Variants in EPB41 observed in about 807,000 individuals in gnomAD.
The protein encoded by EPB41 is protein 4.1.
A neutral mutation model predicts 108.0 loss-of-function variants in EPB41; 65 were observed. The observed-to-expected ratio is 0.60, with a 90% confidence interval of 0.49 to 0.74. The LOEUF is 0.74. EPB41 is among the 30% of genes least tolerant of loss of function. The probability of loss-of-function intolerance (pLI) is 0.00; values close to 1 mark genes in which losing one functional copy is unlikely to be tolerated. For missense variants in EPB41, 875 were observed against 1,037.0 expected, an observed-to-expected ratio of 0.84 and a Z score of 2.15; for synonymous variants, 336 against 358.9, an observed-to-expected ratio of 0.94 and a Z score of 0.72.
chr1:28,980,689 C>G (rs2095717057), intron 1 of EPB41, among the ~76,000 whole-genome samples: 1 of 151,760 alleles, frequency 6.6e-6, no homozygotes, highest in South Asian at 2.1e-4. Context: ...TGCACTCTTG[C>G]CTGGGTGGAG....
chr1:28,897,622 G>A (rs1232094543), intron 1 of EPB41, among the ~76,000 whole-genome samples: 2 of 113,960 alleles, frequency 1.8e-5, no homozygotes, highest in African/African-American at 7.1e-5. Context: ...GGGGAGAGGA[G>A]GGGAGAGGAG....
At chr1:28,927,233 T>C (rs1438323385) in intron 1 of EPB41, among the ~76,000 whole-genome samples, 2 of 152,232 alleles carry the variant, frequency 1.3e-5, no homozygotes, top group African/African-American at 4.8e-5. Context: ...AGCAAGTGAT[T>C]TTGCAGTTTA....
Position 28,948,740 on chromosome 1 carries a change from G to A in EPB41, c.-8+33972G>A, listed in dbSNP as rs147256916. 7.2e-3 allele frequency among the ~76,000 whole-genome samples: 1,091 copies of A among 151,100 alleles called. 15 individuals carry two copies. Among genetic ancestry groups the A allele is most frequent in the African/African-American group, 0.023 (941 of 41,184 alleles). On this transcript the variant is annotated intron_variant, in intron 1 of 20. Coordinates refer to ENST00000343067, the MANE Select transcript of EPB41 (RefSeq NM_001376013.1). Reference sequence around the variant, plus strand: ...CCAAGGCGGGCAGATCACAAGGTCAGGAGTTCAAGACCAGCCTGGCCAATA... The same window carrying A: ...CCAAGGCGGGCAGATCACAAGGTCAAGAGTTCAAGACCAGCCTGGCCAATA...
chr1:29,094,065 T>C (rs1456131041), intron 16 of EPB41, among the ~76,000 whole-genome samples: 1 of 152,156 alleles, frequency 6.6e-6, no homozygotes, highest in Non-Finnish European at 1.5e-5. Context: ...TTCAATATTG[T>C]GTATATGGCT....
intron 1 of EPB41, among the ~76,000 whole-genome samples, chr1:28,943,023 T>C (rs1571083974): frequency 6.6e-6 from 1 of 152,316 alleles, no homozygotes; most frequent in Middle Eastern, 3.4e-3. Flanking sequence ...TTTGATTCCA[T>C]TGGGAAATCT....
At chr1:28,913,244 C>G (rs887215439), upstream of EPB41, among the ~76,000 whole-genome samples, 2 of 151,954 alleles carry the variant, frequency 1.3e-5, no homozygotes, top group African/African-American at 4.8e-5. Context: ...GTCAGGAGAT[C>G]GAGACTAACA....
chr1:29,037,058 G>T (rs1272556990), intron 10 of EPB41, among the ~76,000 whole-genome samples: 2 of 151,920 alleles, frequency 1.3e-5, no homozygotes, highest in Admixed American at 6.6e-5. Context: ...AAGCCCAATA[G>T]TACCCGATAA....
intron 1 of EPB41, among the ~76,000 whole-genome samples, chr1:28,964,392 A>C (rs2095307004): frequency 6.6e-6 from 1 of 152,066 alleles, no homozygotes; most frequent in Non-Finnish European, 1.5e-5. Flanking sequence ...CAGTGAGCTG[A>C]GATCATGCCA....
At position 28,887,463 on chromosome 1, in the gene EPB41, C is replaced by T. The variant is rs1283187611; in HGVS notation, c.-8+253C>T. 2.0e-6 allele frequency: 2 copies of T among 985,154 alleles called. No individual in the cohort carries two copies. Among genetic ancestry groups the T allele is most frequent in the African/African-American group, 3.5e-5 (2 of 57,212 alleles). 61.0% of individuals were successfully genotyped at this position (985,154 alleles called of 1,614,324 possible). On this transcript the variant is annotated intron_variant, in intron 1 of 16. Coordinates refer to the EPB41 transcript ENST00000347529. The surrounding 1 kb of genome is among the most constrained non-coding windows in gnomAD (Gnocchi z 4.9). ...GGAGAGGGGGTCCGGGAGCTCGGAT[C>T]CGGAGCTAGACACGTCCGGGTCCGG...
chr1:28,953,744 G>C (rs1250499319), intron 1 of EPB41, among the ~76,000 whole-genome samples: 1 of 152,210 alleles, frequency 6.6e-6, no homozygotes, highest in Non-Finnish European at 1.5e-5. Context: ...GTATTAGTTA[G>C]ATCTCATTTT....
chr1:29,075,215 A>G (rs1181638348), intron 16 of EPB41, among the ~76,000 whole-genome samples: 3 of 150,126 alleles, frequency 2.0e-5, no homozygotes, highest in Non-Finnish European at 4.4e-5. Context: ...GTGGTGGCTC[A>G]TGCCTGTAAT....
chr1:28,897,573 G>A (rs1162954388), intron 1 of EPB41, among the ~76,000 whole-genome samples: 1 of 139,024 alleles, frequency 7.2e-6, no homozygotes, highest in African/African-American at 2.7e-5. Context: ...AGGTAGGAAG[G>A]GAAGGGAAGC....
intron 5 of EPB41, among the ~76,000 whole-genome samples, chr1:29,013,834 GTTTTT>G (rs537368192): frequency 6.1e-5 from 8 of 131,846 alleles, no homozygotes; most frequent in Admixed American, 1.5e-4. Context: ...CAGCCCTTAA[GTTTTT>G]TTTTTTTTTT....
chr1:29,104,841 G>A (rs951033221), intron 17 of EPB41, among the ~76,000 whole-genome samples: 2 of 151,944 alleles, frequency 1.3e-5, no homozygotes, highest in African/African-American at 4.8e-5. Context: ...TTCCGCCTCG[G>A]CCTCCCAAAG....
In EPB41 at chr1:29,058,334, A is replaced by G. The variant is rs568197393; in HGVS notation, c.1846-255A>G. Among the ~76,000 whole-genome samples the G allele has an allele frequency of 1.4e-4, 22 of 152,332 alleles. No homozygotes were observed. The East Asian group carries it at 4.2e-3, about 29-fold the overall frequency. On this transcript the variant is annotated intron_variant, in intron 12 of 20. Coordinates refer to ENST00000343067, the MANE Select transcript of EPB41 (RefSeq NM_001376013.1). ...AATATATTTTCTTCATCAATAGAAT[A>G]CTTACCTTAATTTTCTTTTTTGATA...
Position 29,119,287 on chromosome 1 carries a change from CA to C in EPB41, c.*2476del, listed in dbSNP as rs1196676401. On this transcript the variant is annotated 3_prime_UTR_variant, in exon 21 of 21. Coordinates refer to ENST00000343067, the MANE Select transcript of EPB41 (RefSeq NM_001376013.1). ...ATTGTTTGGATTTTTTTTCTTTCTGCAGTTGTGTGTATGTGTGTTTGTGTGA... is the reference window on the plus strand; with the variant it reads ...ATTGTTTGGATTTTTTTTCTTTCTGCGTTGTGTGTATGTGTGTTTGTGTGA... 3 of 152,478 alleles carry C rather than the reference CA, an allele frequency of 2.0e-5. No homozygotes were observed. The highest frequency in any genetic ancestry group is 3.9e-4 in the East Asian group (2 of 5,194). 9.4% of individuals were successfully genotyped at this position (152,478 alleles called of 1,614,324 possible).
At chr1:29,040,370 A>G (rs896694884) in intron 11 of EPB41, among the ~76,000 whole-genome samples, 1 of 151,686 alleles carries the variant, frequency 6.6e-6, no homozygotes, top group Non-Finnish European at 1.5e-5. Flanking sequence ...ACCTCTGCCT[A>G]CCAAGGTTCA....
At chr1:29,066,916 C>G (rs1648256643) in intron 16 of EPB41, among the ~76,000 whole-genome samples, 1 of 150,478 alleles carries the variant, frequency 6.6e-6, no homozygotes, top group Non-Finnish European at 1.5e-5. Context: ...CTCAGGTGAT[C>G]CACCCGCCTC....
intron 11 of EPB41, among the ~76,000 whole-genome samples, chr1:29,045,516 G>A (rs1034854742): frequency 2.7e-5 from 4 of 149,730 alleles, no homozygotes; most frequent in African/African-American, 9.8e-5. Flanking sequence ...ACCATGCCCA[G>A]CTAATTTTTT....
Sources: gnomAD v4.1 joint callset for allele counts (sites outside exome capture counted in the v4.1 genomes callset) on GRCh38, gnomAD v4.1.1 for gene constraint, Gnocchi (gnomAD v3.1) non-coding constraint, MANE v1.5 for transcripts, NCBI Gene and HGNC (gene_info 2026-07-23, HGNC 2026-07-21) for gene names.